Variants in SNW1 observed in about 807,000 individuals in gnomAD.
The protein encoded by SNW1 is SNW domain-containing protein 1.
Under a neutral mutation model 75.6 loss-of-function variants are expected in SNW1, and 9 were observed. That is an observed-to-expected ratio of 0.12 (90% CI 0.07 to 0.21). The LOEUF (loss-of-function observed/expected upper bound fraction) is 0.21, where lower values mean the gene tolerates loss of function less well. Ranked by LOEUF, SNW1 falls within the 10% of genes least tolerant of loss-of-function variation. The pLI, the probability that SNW1 is intolerant of heterozygous loss-of-function variation, is 1.00. For missense variants in SNW1, 409 were observed against 670.9 expected (o/e 0.61, Z 4.31); for synonymous variants, 200 against 219.1 (o/e 0.91, Z 0.77).
chr14:77,720,553 A>T (rs1413574397), intron 12 of SNW1, 158 bp downstream of exon 12: 1 of 769,056 alleles, frequency 1.3e-6, no homozygotes, highest in Non-Finnish European at 2.4e-6. Context: ...AGTTAAAATC[A>T]GAACTGTTTC....
intron 3 of SNW1, among the ~76,000 whole-genome samples, chr14:77,749,548 C>T (rs1417518014): frequency 1.3e-5 from 2 of 152,002 alleles, no homozygotes; most frequent in African/African-American, 4.8e-5. Context: ...GGGCAGATCA[C>T]GAGGTCAGGA....
chr14:77,746,581 T>A (rs753998200), intron 3 of SNW1, among the ~76,000 whole-genome samples: 1 of 152,188 alleles, frequency 6.6e-6, no homozygotes, highest in East Asian at 1.9e-4. Context: ...CAAATAATCA[T>A]GTTCAACAAG....
At chr14:77,736,696 G>A (rs1382704926) in intron 6 of SNW1, among the ~76,000 whole-genome samples, 2 of 152,152 alleles carry the variant, frequency 1.3e-5, no homozygotes, top group East Asian at 3.8e-4. Flanking sequence ...TCACAAGCAA[G>A]ATAGTGAACA....
chr14:77,718,626 G>T, intron 12 of SNW1, 96 bp from the exon 13 acceptor site: 1 of 752,170 alleles, frequency 1.3e-6, no homozygotes, highest in Non-Finnish European at 2.1e-6. Flanking sequence ...CTAATGTACA[G>T]CTCACATTTT....
intron 5 of SNW1, 97 bp downstream of exon 5, chr14:77,738,681 T>C: frequency 1.2e-6 from 1 of 814,960 alleles, no homozygotes; most frequent in Non-Finnish European, 2.0e-6. Flanking sequence ...ACAATGCATT[T>C]ATAATGGTTG....
chr14:77,756,423 C>T (rs1466959851), intron 1 of SNW1, among the ~76,000 whole-genome samples: 5 of 152,214 alleles, frequency 3.3e-5, no homozygotes, highest in Non-Finnish European at 5.9e-5. Context: ...GCCACCACGC[C>T]TGGCTACTCC....
At chr14:77,751,576 T>G in intron 2 of SNW1, 96 bp from the exon 3 acceptor site, 1 of 900,680 alleles carries the variant, frequency 1.1e-6, no homozygotes, top group Non-Finnish European at 1.6e-6. Context: ...GTCCTTAGTA[T>G]GCTAGATGCT....
chr14:77,735,239 G>A (rs561171808), intron 7 of SNW1, among the ~76,000 whole-genome samples: 1 of 152,268 alleles, frequency 6.6e-6, no homozygotes, highest in Admixed American at 6.5e-5. Flanking sequence ...ATTCTTGACA[G>A]TTATAAATGT....
chr14:77,741,926 TTAA>T (rs1013401482), intron 3 of SNW1, among the ~76,000 whole-genome samples: 2 of 152,150 alleles, frequency 1.3e-5, no homozygotes, highest in African/African-American at 4.8e-5. Flanking sequence ...CATTCCAAAG[TTAA>T]TAACCCTTCA....
chr14:77,757,141 A>C (rs1057144450), intron 1 of SNW1, among the ~76,000 whole-genome samples: 7 of 152,210 alleles, frequency 4.6e-5, no homozygotes, highest in African/African-American at 1.4e-4. Context: ...ATTATTCAAA[A>C]ATATTTATTA....
At chr14:77,741,012 G>A (rs1326750651) in intron 3 of SNW1, among the ~76,000 whole-genome samples, 4 of 148,478 alleles carry the variant, frequency 2.7e-5, no homozygotes, top group Non-Finnish European at 5.9e-5. Context: ...CAGGAGAATC[G>A]CTTGAACCCA....
Position 77,739,038 on chromosome 14 carries a change from G to A in SNW1, c.354C>T (p.Asp118=), listed in dbSNP as rs769959548. The A allele has an allele frequency of 2.5e-6, 4 of 1,613,716 alleles. No individual in the cohort carries two copies. Among genetic ancestry groups the A allele is most frequent in the Non-Finnish European group, 2.5e-6 (3 of 1,179,854 alleles). The part of the protein sequence containing the change: ...KDKVIYSKYT[D]LVPKEVMNAD... ...CATTCATAACCTCCTTTGGAACCAG[G>A]TCAGTGTATTTGCTATAAATGACCT... Residue 118 remains aspartate (D), a synonymous_variant, in exon 4 of 14, where the codon GAC becomes GAT. Transcript: ENST00000261531.
At chr14:77,719,945 A>C (rs866022089) in intron 12 of SNW1, among the ~76,000 whole-genome samples, 38 of 152,302 alleles carry the variant, frequency 2.5e-4, no homozygotes, top group South Asian at 1.0e-3. Context: ...GTGTGTGCGC[A>C]TGCGCCCGCG....
At chr14:77,754,876 T>C in intron 2 of SNW1, 91 bp downstream of exon 2, 1 of 1,139,784 alleles carries the variant, frequency 8.8e-7, no homozygotes, top group South Asian at 1.7e-5. Flanking sequence ...ACATTCATAA[T>C]CAGAGGTTCT....
At chr14:77,736,626 A>G (rs1179622361) in intron 6 of SNW1, among the ~76,000 whole-genome samples, 1 of 152,240 alleles carries the variant, frequency 6.6e-6, no homozygotes, top group Non-Finnish European at 1.5e-5. Flanking sequence ...TTAGCTATAC[A>G]TATTTAAAGC....
chr14:77,760,898 GT>G, intron 1 of SNW1: 4 of 1,045,138 alleles, frequency 3.8e-6, no homozygotes, highest in Middle Eastern at 5.0e-4. Context: ...TTCGGCCTCG[GT>G]GAGCGGGTGA....
chr14:77,734,665 G>C (rs1233003559), intron 8 of SNW1, among the ~76,000 whole-genome samples: 2 of 152,154 alleles, frequency 1.3e-5, no homozygotes, highest in Non-Finnish European at 2.9e-5. Context: ...TTCAACCTGG[G>C]AGGTGGAGGC....
At chr14:77,730,961 T>C in intron 10 of SNW1, 27 bp downstream of exon 10, 1 of 1,601,226 alleles carries the variant, frequency 6.2e-7, no homozygotes, top group Non-Finnish European at 8.5e-7. Flanking sequence ...CCAAGCAAAA[T>C]TCAATTCAGT....
intron 10 of SNW1, among the ~76,000 whole-genome samples, chr14:77,725,902 T>C (rs1244386147): frequency 6.6e-6 from 1 of 152,158 alleles, no homozygotes; most frequent in Non-Finnish European, 1.5e-5. Flanking sequence ...GATGACAGAG[T>C]GAGACGTTGT....
Sources: allele counts gnomAD v4.1 joint callset (sites outside exome capture counted in the v4.1 genomes callset), GRCh38; gene constraint gnomAD v4.1.1; transcripts MANE v1.5; gene names NCBI Gene and HGNC (gene_info 2026-07-23, HGNC 2026-07-21).